Variants in CUL7 observed in about 807,000 individuals in gnomAD.
CUL7 encodes the protein cullin-7.
In CUL7, 96 loss-of-function variants were observed where a neutral mutation model predicts 177.7. The observed-to-expected ratio is 0.54, with a 90% CI of 0.46 to 0.64. The LOEUF is 0.64. Among genes scored for constraint, CUL7 ranks in the 30% least tolerant of loss-of-function variants. CUL7 has a pLI of 0.00. For synonymous variants in CUL7, 824 were observed against 890.2 expected, an observed-to-expected ratio of 0.93 and a Z score of 1.32; for missense variants, 1,893 against 2,187.9, an observed-to-expected ratio of 0.87 and a Z score of 2.69.
At position 43,051,659 on chromosome 6, in the gene CUL7, T is replaced by C. The variant is rs1764422820; in HGVS notation, c.685A>G (p.Thr229Ala). 1.2e-6 allele frequency: 2 copies of C among 1,614,036 alleles called. No individual in the cohort carries two copies. Among genetic ancestry groups the C allele is most frequent in the South Asian group, 1.1e-5 (1 of 91,084 alleles). ...CALLALFAQA[T>A]LSEHPMSFEG... ...AAAGACATGGGGTGTTCAGAGAGCG[T>C]GGCCTGTGCAAACAGTGCTAGCAGA... The change falls in exon 3 of 26, where the codon ACG (threonine) becomes GCG (alanine). Residue 229 changes from threonine to alanine, a missense_variant. Physicochemically the swap from Thr to Ala is moderately conservative, Grantham distance 58. Transcript: ENST00000265348. The surrounding 1 kb of genome is among the most constrained non-coding windows in gnomAD (Gnocchi z 5.0).
intron 9 of CUL7, 26 bp from the exon 10 acceptor site, chr6:43,047,133 T>C (rs1763988494): frequency 7.1e-7 from 1 of 1,404,452 alleles, no homozygotes; most frequent in Non-Finnish European, 1.0e-6. Flanking sequence ...AGGGAGGAGA[T>C]GAATGAAGAC....
rs867588788 is a variant in CUL7 at position 43,040,154 on chromosome 6, A to T, written c.4294+2T>A. On this transcript the variant is annotated splice_donor_variant, in intron 22 of 25. Coordinates refer to ENST00000265348, the MANE Select transcript of CUL7 (RefSeq NM_014780.5). LOFTEE classifies it high-confidence loss of function. The surrounding 1 kb of genome is among the most constrained non-coding windows in gnomAD (Gnocchi z 4.2). The stretch of plus-strand genomic sequence containing the variant: ...CCCCAGTCCCTCTGCCTGGCTGCTC[A>T]CTCTTGTTGTAGAAGTTGGAGTATC... 8 of 1,613,618 alleles carry T rather than the reference A, an allele frequency of 5.0e-6. No individual in the cohort carries two copies. The highest frequency in any genetic ancestry group is 6.8e-6 in the Non-Finnish European group (8 of 1,179,924).
At position 43,038,835 on chromosome 6, in the gene CUL7, G is replaced by C. The variant is rs777085030; in HGVS notation, c.4440+7C>G. Reference sequence around the variant, plus strand: ...GACAGGAGAGAGGTGCAGCGGGGCTGGGCCACCTTCAGGTCGTTGAGATAC... The same window carrying C: ...GACAGGAGAGAGGTGCAGCGGGGCTCGGCCACCTTCAGGTCGTTGAGATAC... On this transcript the variant is annotated splice_region_variant and intron_variant, in intron 23 of 25. Transcript: ENST00000265348. 7.4e-6 allele frequency: 12 copies of C among 1,614,204 alleles called. No individual in the cohort carries two copies. Among genetic ancestry groups the C allele is most frequent in the Non-Finnish European group, 1.0e-5 (12 of 1,180,032 alleles).
rs1763326091 is a variant in CUL7, at chr6:43,040,605, G to A, written c.3948C>T (p.Arg1316=). The A allele has an allele frequency of 6.2e-7, 1 of 1,614,102 alleles. No individual in the cohort carries two copies. The highest frequency in any genetic ancestry group is 1.3e-5 in the African/African-American group (1 of 74,936). Residue 1316 remains arginine (R), a synonymous_variant, in exon 21 of 26, where the codon CGC becomes CGT. Transcript: ENST00000265348. The surrounding 1 kb of genome is among the most constrained non-coding windows in gnomAD (Gnocchi z 4.2). Reference sequence around the variant, plus strand: ...GCTGGAGCTGGTAGACGTGGAACTGGCGCTGCAGCTCCTTAGAGGTGCTCA... The same window carrying A: ...GCTGGAGCTGGTAGACGTGGAACTGACGCTGCAGCTCCTTAGAGGTGCTCA... ...QSLSTSKELQ[R]QFHVYQLQQL...
intron 25 of CUL7, 27 bp from the exon 26 acceptor site, chr6:43,038,038 G>GCTGAGGAAGGGAGAA (rs1763098223): frequency 6.3e-7 from 1 of 1,577,278 alleles, no homozygotes; most frequent in Non-Finnish European, 8.6e-7. Flanking sequence ...AGGGAGAAGC[G>GCTGAGGAAGGGAGAA]GTAGTTTAGA....
Position 43,037,862 on chromosome 6 carries a change from G to A in CUL7, c.4923C>T (p.Pro1641=), listed in dbSNP as rs556058600. 6.2e-7 allele frequency: 1 copy of A among 1,613,730 alleles called. No individual in the cohort carries two copies. The highest frequency in any genetic ancestry group is 8.5e-7 in the Non-Finnish European group (1 of 1,179,806). ...CAGGGACTGCATAGGACAGCACCTG[G>A]GGCCGGTCGTCATGGCGTCTCAGCG... is the stretch of plus-strand genomic sequence containing the variant. The part of the protein sequence containing the change: ...KGTLRRHDDR[P]QVLSYAVPVT... The change falls in exon 26 of 26, where the codon CCC becomes CCT. Residue 1641 remains proline, a synonymous_variant. Coordinates refer to ENST00000265348, the MANE Select transcript of CUL7 (RefSeq NM_014780.5).
Position 43,040,742 on chromosome 6 carries a change from A to G in CUL7, c.3811T>C (p.Tyr1271His). The G allele has an allele frequency of 6.2e-7, 1 of 1,614,066 alleles. No individual in the cohort carries two copies. The highest frequency in any genetic ancestry group is 8.5e-7 in the Non-Finnish European group (1 of 1,179,968). Residue 1271 changes from tyrosine (Y) to histidine (H), a missense_variant, in exon 21 of 26, where the codon TAC (tyrosine) becomes CAC (histidine). Around this residue, in one of 5 missense-constraint regions of CUL7, gnomAD observed 973 missense variants for 1,140.9 expected, o/e 0.85. Coordinates refer to ENST00000265348, the MANE Select transcript of CUL7 (RefSeq NM_014780.5). This position sits in a 1 kb window ranked among gnomAD's most constrained non-coding sequence, Gnocchi z 4.2. ...ACGCCCAGGAGACGGTCCGCCATGT[A>G]GTGCCTGCAGTGCATGCAGCCCGGG... Reference protein sequence around the residue: ...ATTFEHYYQHYMADRLLGVVS... With the variant: ...ATTFEHYYQHHMADRLLGVVS...
At chr6:43,044,343 AAT>A (rs1184433253) in intron 16 of CUL7, among the ~76,000 whole-genome samples, 2 of 150,400 alleles carry the variant, frequency 1.3e-5, no homozygotes, top group African/African-American at 4.9e-5. Context: ...AATAAAATAA[AAT>A]AAAATTAGCC....
At position 43,040,623 on chromosome 6, in the gene CUL7, G is replaced by A. The variant is rs1001783315; in HGVS notation, c.3930C>T (p.Thr1310=). ...LPQQMLQSLS[T]SKELQRQFHV... is the part of the protein sequence containing the mutation. ...GGAACTGGCGCTGCAGCTCCTTAGA[G>A]GTGCTCAGGCTCTGCAACATCTGCT... The change falls in exon 21 of 26, where the codon ACC becomes ACT. Residue 1310 remains threonine, a synonymous_variant. Coordinates refer to ENST00000265348, the MANE Select transcript of CUL7 (RefSeq NM_014780.5). The surrounding 1 kb of genome is among the most constrained non-coding windows in gnomAD (Gnocchi z 4.2). 6.2e-7 allele frequency: 1 copy of A among 1,614,108 alleles called. No homozygotes were observed. The highest frequency in any genetic ancestry group is 8.5e-7 in the Non-Finnish European group (1 of 1,180,048).
intron 22 of CUL7, 89 bp from the exon 23 acceptor site, chr6:43,039,076 T>C (rs1249155000): frequency 1.1e-6 from 1 of 873,218 alleles, no homozygotes; most frequent in Admixed American, 1.8e-5. Flanking sequence ...ACGCTCTGTT[T>C]ATCTCTGCAA....
Position 43,044,674 on chromosome 6 carries a change from C to G in CUL7, c.3172+78G>C, listed in dbSNP as rs11758414. The G allele has an allele frequency of 3.2e-6, 5 of 1,555,464 alleles. 1 individual carries two copies. In the Middle Eastern group the frequency reaches 7.9e-4, roughly 245 times the overall value. On this transcript the variant is annotated intron_variant, in intron 16 of 25. Coordinates refer to ENST00000265348, the MANE Select transcript of CUL7 (RefSeq NM_014780.5). ...GGGCCAGGACATAATCCAGGTGGTTCTAGGGTAGAGCAAGAAGGAACTAAT... is the reference window on the plus strand; with the variant it reads ...GGGCCAGGACATAATCCAGGTGGTTGTAGGGTAGAGCAAGAAGGAACTAAT...
rs189074324 is a variant in CUL7 at position 43,039,589 on chromosome 6, A to C, written c.4294+567T>G. ...GTCTGGGGATCAGGTATCTGACAGC[A>C]CCTGCCACCCCCAGCCACCAAGCTC... On this transcript the variant is annotated intron_variant, in intron 22 of 25. Transcript: ENST00000265348. Among the ~76,000 whole-genome samples the C allele has an allele frequency of 9.7e-4, 148 of 152,222 alleles. 2 individuals are homozygous for C. Among genetic ancestry groups the C allele is most frequent in the Admixed American group, 2.8e-3 (43 of 15,278 alleles).
rs761544849 is a variant in CUL7 at position 43,040,616 on chromosome 6, C to A, written c.3937G>T (p.Glu1313Ter). 1.5e-5 allele frequency: 24 copies of A among 1,614,262 alleles called. No homozygotes were observed. The highest frequency in any genetic ancestry group is 1.9e-5 in the Non-Finnish European group (23 of 1,180,050). The change falls in exon 21 of 26, where the codon GAG becomes TAG. Residue 1313 changes from glutamate to a stop codon, truncating the protein, a stop_gained. Coordinates refer to ENST00000265348, the MANE Select transcript of CUL7 (RefSeq NM_014780.5). LOFTEE classifies it high-confidence loss of function. This position sits in a 1 kb window ranked among gnomAD's most constrained non-coding sequence, Gnocchi z 4.2. ...QMLQSLSTSK[E>*]LQRQFHVYQL... ...TAGACGTGGAACTGGCGCTGCAGCT[C>A]CTTAGAGGTGCTCAGGCTCTGCAAC...
chr6:43,046,320 T>C lies in CUL7; in HGVS notation c.2576A>G (p.His859Arg). The C allele has an allele frequency of 1.2e-6, 2 of 1,614,234 alleles. No homozygotes were observed. Among genetic ancestry groups the C allele is most frequent in the South Asian group, 2.2e-5 (2 of 91,088 alleles). ...GGACTCCCAATAGGTCTTGGGGTTG[T>C]GGTCCGTCAGCTTGCTGGCCCGGTG... ...NPHRASKLTD[H>R]NPKTYWESNG... Residue 859 changes from histidine to arginine, a missense_variant, in exon 12 of 26, where the codon CAC (histidine) becomes CGC (arginine). By Grantham distance (29) the His-to-Arg change is conservative. Transcript: ENST00000265348.
At chr6:43,039,722 T>TA (rs1763245203) in intron 22 of CUL7, among the ~76,000 whole-genome samples, 1 of 146,600 alleles carries the variant, frequency 6.8e-6, no homozygotes, top group African/African-American at 2.5e-5. Flanking sequence ...AAATGTAAAT[T>TA]AAAAGACCAA....
In CUL7 at chr6:43,049,944, G is replaced by A. The variant is rs1206491519; in HGVS notation, c.1569+19C>T. 1.2e-6 allele frequency: 2 copies of A among 1,608,884 alleles called. No homozygotes were observed. The highest frequency in any genetic ancestry group is 4.5e-5 in the East Asian group (2 of 44,846). ...CAATAGAGCCCTCCAACCTCTGAGT[G>A]TCTCCAGGCTGGCTCTACCTCCCCA... On this transcript the variant is annotated intron_variant, in intron 6 of 25. Transcript: ENST00000265348.
rs1193040139 is a variant in CUL7, at chr6:43,051,412, G to A, written c.789C>T (p.Leu263=). 1.9e-6 allele frequency: 3 copies of A among 1,614,098 alleles called. No homozygotes were observed. The highest frequency in any genetic ancestry group is 1.7e-5 in the Admixed American group (1 of 60,020). ...LVKRYLHVTS[L]LDQLNDSAAE... is the part of the protein sequence containing the mutation. ...CAGCACTGTCGTTCAGCTGATCCAG[G>A]AGCGAGGTGACATGCAAATACCGCT... The change falls in exon 4 of 26, where the codon CTC becomes CTT. Residue 263 remains leucine, a synonymous_variant. Coordinates refer to ENST00000265348, the MANE Select transcript of CUL7 (RefSeq NM_014780.5). The surrounding 1 kb of genome is among the most constrained non-coding windows in gnomAD (Gnocchi z 5.0).
chr6:43,053,823 T>G lies in CUL7; in HGVS notation c.-210A>C, dbSNP rs996678944. 1.4e-5 allele frequency: 22 copies of G among 1,532,822 alleles called. No homozygotes were observed. Among genetic ancestry groups the G allele is most frequent in the Middle Eastern group, 2.2e-4 (1 of 4,532 alleles). 95.0% of individuals were successfully genotyped at this position (1,532,822 alleles called of 1,614,324 possible). ...CTGGGGCAGGGTGGGGCCCGGTCCC[T>G]GCCAGCGGCTCCGCCAGCCAAAAGC... is the stretch of plus-strand genomic sequence containing the variant. On this transcript the variant is annotated 5_prime_UTR_variant, in exon 1 of 26. Coordinates refer to ENST00000265348, the MANE Select transcript of CUL7 (RefSeq NM_014780.5). The surrounding 1 kb of genome is among the most constrained non-coding windows in gnomAD (Gnocchi z 4.1).
chr6:43,048,111 T>A lies in CUL7; in HGVS notation c.2169+37A>T, dbSNP rs781265579. 6 of 1,420,400 alleles carry A rather than the reference T, an allele frequency of 4.2e-6. No individual in the cohort carries two copies. In the South Asian group the frequency reaches 7.1e-5, roughly 17 times the overall value. The allele number at this position is 1,420,400 out of a possible 1,614,324, so 88.0% of individuals were successfully genotyped here. On this transcript the variant is annotated intron_variant, in intron 9 of 25. Transcript: ENST00000265348. ...GCCTTGCCAGTGGCTGCCTTTATCC[T>A]CTCCCCCAGCCTCTCCCCAGAGCAG...
Sources: allele counts gnomAD v4.1 joint callset (sites outside exome capture counted in the v4.1 genomes callset), GRCh38; gene constraint gnomAD v4.1.1; regional missense constraint gnomAD v4.1.1; non-coding constraint Gnocchi (gnomAD v3.1); transcripts MANE v1.5; gene names NCBI Gene and HGNC (gene_info 2026-07-23, HGNC 2026-07-21).